SLC41A2: variants seen among roughly 807,000 people sequenced by gnomAD.
SLC41A2 encodes the protein solute carrier family 41 member 2, also known as SLC41A1-like 1.
A neutral mutation model predicts 58.3 loss-of-function variants in SLC41A2; 32 were observed. The ratio of observed to expected loss-of-function variants is 0.55; its 90% CI spans 0.41 to 0.74. SLC41A2 has a LOEUF of 0.74. Among genes scored for constraint, SLC41A2 ranks in the 30% least tolerant of loss-of-function variants. The pLI is 0.00. For missense variants in SLC41A2, 514 were observed against 680.6 expected (o/e 0.76, Z 2.72); for synonymous variants, 190 against 235.0 (o/e 0.81, Z 1.75).
At chr12:104,857,153 G>A (rs1217487417) in intron 8 of SLC41A2, among the ~76,000 whole-genome samples, 3 of 152,182 alleles carry the variant, frequency 2.0e-5, no homozygotes, top group Non-Finnish European at 4.4e-5. Context: ...AGTGACATAA[G>A]CTTCTTATCC....
At chr12:104,915,476 G>A (rs947723273) in intron 2 of SLC41A2, among the ~76,000 whole-genome samples, 1 of 152,008 alleles carries the variant, frequency 6.6e-6, no homozygotes, top group African/African-American at 2.4e-5. Flanking sequence ...CCTTGAAGAG[G>A]TCCTTCACAT....
chr12:104,811,871 G>A (rs1019106233), intron 10 of SLC41A2, among the ~76,000 whole-genome samples: 3 of 152,218 alleles, frequency 2.0e-5, no homozygotes, highest in African/African-American at 7.2e-5. Flanking sequence ...CTGAAAGCAA[G>A]GCTAAGGCCA....
chr12:104,811,411 T>G (rs1020380597), intron 10 of SLC41A2, among the ~76,000 whole-genome samples: 18 of 152,218 alleles, frequency 1.2e-4, no homozygotes, highest in Non-Finnish European at 1.9e-4. Context: ...ATCATTTTAA[T>G]AAAGTGTATA....
At chr12:104,936,690 G>C (rs1471609832) in intron 1 of SLC41A2, among the ~76,000 whole-genome samples, 1 of 152,140 alleles carries the variant, frequency 6.6e-6, no homozygotes. Flanking sequence ...CTCCCACTGG[G>C]TTCCTCCCAC....
At chr12:104,833,547 G>A (rs1011333291) in intron 10 of SLC41A2, among the ~76,000 whole-genome samples, 9 of 151,958 alleles carry the variant, frequency 5.9e-5, no homozygotes, top group Admixed American at 1.3e-4. Context: ...ACTGAGTGAC[G>A]GTCTCACCAT....
intron 1 of SLC41A2, among the ~76,000 whole-genome samples, chr12:104,942,097 T>C (rs989734252): frequency 1.3e-5 from 2 of 152,108 alleles, no homozygotes; most frequent in Admixed American, 1.3e-4. Context: ...AAAAAAGAGG[T>C]ATATTTATTC....
chr12:104,870,116 G>A (rs188766294), intron 6 of SLC41A2, among the ~76,000 whole-genome samples: 1 of 152,290 alleles, frequency 6.6e-6, no homozygotes, highest in East Asian at 1.9e-4. Flanking sequence ...TTTGGGATGG[G>A]AATATTATCC....
chr12:104,909,769 G>GA lies in SLC41A2; in HGVS notation c.556-8dup, dbSNP rs60294028. On this transcript the variant is annotated splice_polypyrimidine_tract_variant and splice_region_variant and intron_variant, in intron 2 of 10. Transcript: ENST00000258538. ...TTCTGAACACCTCCCAGTGCTGTAA[G>GA]AAAAAAAATAAAATAAAATTTTCTG... is the stretch of plus-strand genomic sequence containing the variant. 1,735 of 1,543,278 alleles carry GA rather than the reference G, an allele frequency of 1.1e-3. 27 individuals carry two copies. In the African/African-American group the frequency reaches 0.02, roughly 18 times the overall value.
intron 3 of SLC41A2, among the ~76,000 whole-genome samples, chr12:104,908,377 G>A (rs997232712): frequency 4.6e-5 from 7 of 152,214 alleles, no homozygotes; most frequent in African/African-American, 1.4e-4. Flanking sequence ...AGTTGCCTGG[G>A]TGGAAAAGGG....
intron 4 of SLC41A2, among the ~76,000 whole-genome samples, chr12:104,890,189 T>A (rs1010164939): frequency 2.4e-4 from 37 of 152,116 alleles, no homozygotes; most frequent in African/African-American, 8.4e-4. Context: ...AGTAAAAAAT[T>A]CCTGAAGTAG....
intron 1 of SLC41A2, among the ~76,000 whole-genome samples, chr12:104,937,001 T>C (rs1050015664): frequency 6.6e-6 from 1 of 152,328 alleles, no homozygotes; most frequent in South Asian, 2.1e-4. Flanking sequence ...ATCCCAACAC[T>C]TTGGGAGGCC....
intron 2 of SLC41A2, among the ~76,000 whole-genome samples, chr12:104,927,679 G>A (rs1260369667): frequency 6.6e-6 from 1 of 151,992 alleles, no homozygotes; most frequent in Non-Finnish European, 1.5e-5. Context: ...AAGTAAGAAA[G>A]TATTTAAATA....
chr12:104,802,769 C>G lies in SLC41A2; in HGVS notation c.*2383G>C, dbSNP rs926921249. 1.3e-5 allele frequency: 2 copies of G among 152,170 alleles called. No homozygotes were observed. Among genetic ancestry groups the G allele is most frequent in the East Asian group, 3.9e-4 (2 of 5,184 alleles). 9.4% of individuals were successfully genotyped at this position (152,170 alleles called of 1,614,324 possible). ...AACGGAGGTTTCTTTGTCTGAAATC[C>G]ATAAAATGTAGTAATACTCTATTGT... On this transcript the variant is annotated 3_prime_UTR_variant, in exon 11 of 11. Coordinates refer to ENST00000258538, the MANE Select transcript of SLC41A2 (RefSeq NM_001352171.3).
chr12:104,907,893 A>C (rs1000928747), intron 3 of SLC41A2, among the ~76,000 whole-genome samples: 2 of 152,218 alleles, frequency 1.3e-5, no homozygotes, highest in African/African-American at 4.8e-5. Flanking sequence ...CTGCAGATAT[A>C]GCTATATGAC....
chr12:104,913,073 G>A (rs1390541403), intron 2 of SLC41A2, among the ~76,000 whole-genome samples: 1 of 152,112 alleles, frequency 6.6e-6, no homozygotes, highest in Non-Finnish European at 1.5e-5. Context: ...ATACTTATGG[G>A]AGAATTACTA....
intron 2 of SLC41A2, among the ~76,000 whole-genome samples, chr12:104,919,737 A>C (rs898350209): frequency 4.6e-5 from 7 of 152,130 alleles, no homozygotes. Flanking sequence ...ATCCTTTGTC[A>C]GATAGGTGGT....
At chr12:104,853,915 T>TATTATTATTATTTTTA (rs1565842625) in intron 8 of SLC41A2, among the ~76,000 whole-genome samples, 1 of 125,026 alleles carries the variant, frequency 8.0e-6, no homozygotes, top group African/African-American at 3.1e-5. Context: ...TGGCTGATTT[T>TATTATTATTATTTTTA]TTTTTTTTTT....
intron 8 of SLC41A2, among the ~76,000 whole-genome samples, chr12:104,860,643 G>C (rs1476168998): frequency 6.6e-6 from 1 of 151,822 alleles, no homozygotes; most frequent in Non-Finnish European, 1.5e-5. Context: ...AGCATGCAGT[G>C]GCTTATTGTA....
At chr12:104,926,003 T>A (rs1326870315) in intron 2 of SLC41A2, among the ~76,000 whole-genome samples, 2 of 152,230 alleles carry the variant, frequency 1.3e-5, no homozygotes, top group East Asian at 3.8e-4. Context: ...ATATAGTTCC[T>A]CTCATATCCT....
Sources: allele counts gnomAD v4.1 joint callset (sites outside exome capture counted in the v4.1 genomes callset), GRCh38; gene constraint gnomAD v4.1.1; transcripts MANE v1.5; gene names NCBI Gene and HGNC (gene_info 2026-07-23, HGNC 2026-07-21).